Variants in CLHC1 observed in about 807,000 individuals in gnomAD.
CLHC1 encodes the protein clathrin heavy chain linker domain containing 1, also known as clathrin heavy chain linker domain-containing protein 1.
Under a neutral mutation model 69.5 loss-of-function variants are expected in CLHC1, and 72 were observed. The observed-to-expected ratio is 1.04, with a 90% confidence interval of 0.86 to 1.26. The LOEUF (loss-of-function observed/expected upper bound fraction) is 1.26, where lower values mean the gene tolerates loss of function less well. Ranked by LOEUF, CLHC1 falls within the 50% of genes most tolerant of loss-of-function variation. The probability of loss-of-function intolerance (pLI) is 0.00; values close to 1 mark genes in which losing one functional copy is unlikely to be tolerated. For synonymous variants in CLHC1, 223 were observed against 224.3 expected (o/e 0.99, Z 0.05); for missense variants, 790 against 679.3 (o/e 1.16, Z -1.81).
chr2:55,201,234 T>A, intron 9 of CLHC1, among the ~76,000 whole-genome samples: 1 of 146,064 alleles, frequency 6.8e-6, no homozygotes, highest in Non-Finnish European at 1.5e-5. Flanking sequence ...TAAAAATCAA[T>A]GAAGAGTTTA....
intron 3 of CLHC1, among the ~76,000 whole-genome samples, chr2:55,219,221 T>C (rs919541695): frequency 3.1e-4 from 47 of 152,300 alleles, no homozygotes; most frequent in African/African-American, 1.1e-3. Context: ...ACAACTCAGA[T>C]ATATTAATGA....
chr2:55,212,661 A>C lies in CLHC1; in HGVS notation c.499+12T>G, dbSNP rs781286494. 1 of 1,579,860 alleles carries C rather than the reference A, an allele frequency of 6.3e-7. No individual in the cohort carries two copies. Among genetic ancestry groups the C allele is most frequent in the South Asian group, 1.1e-5 (1 of 88,762 alleles). ...AGGATTTCTCTCAAATATTTTAAAC[A>C]AAATACAATACCTGGAATAGGTTTT... On this transcript the variant is annotated intron_variant, in intron 5 of 12. Transcript: ENST00000401408.
At chr2:55,177,833 A>G in intron 11 of CLHC1, 52 bp from the exon 12 acceptor site, 2 of 1,332,046 alleles carry the variant, frequency 1.5e-6, no homozygotes, top group Non-Finnish European at 2.1e-6. Flanking sequence ...TCATAAATCA[A>G]CTAGAAACTA....
chr2:55,204,501 T>C (rs1055797219), intron 9 of CLHC1, among the ~76,000 whole-genome samples: 1 of 152,190 alleles, frequency 6.6e-6, no homozygotes, highest in Non-Finnish European at 1.5e-5. Context: ...AAGGGAACCC[T>C]TGTACACTGT....
At chr2:55,184,654 C>A (rs1284617143) in intron 9 of CLHC1, among the ~76,000 whole-genome samples, 1 of 152,012 alleles carries the variant, frequency 6.6e-6, no homozygotes, top group Non-Finnish European at 1.5e-5. Context: ...CACCTGTAAT[C>A]CCAGCACTTT....
chr2:55,232,165 T>A (rs912925153), intron 1 of CLHC1, 58 bp downstream of exon 1: 8 of 158,006 alleles, frequency 5.1e-5, no homozygotes, highest in African/African-American at 1.9e-4. Flanking sequence ...TAACATTTGC[T>A]CTAGTCACTT....
At chr2:55,185,376 G>T (rs1477925448) in intron 9 of CLHC1, among the ~76,000 whole-genome samples, 1 of 152,078 alleles carries the variant, frequency 6.6e-6, no homozygotes, top group Non-Finnish European at 1.5e-5. Flanking sequence ...CCCCCTTCCA[G>T]GACCTAGAAA....
chr2:55,193,817 T>C (rs1333791111), intron 9 of CLHC1, among the ~76,000 whole-genome samples: 1 of 152,142 alleles, frequency 6.6e-6, no homozygotes, highest in African/African-American at 2.4e-5. Flanking sequence ...CAAAAACTTG[T>C]ATACAAATGT....
intron 9 of CLHC1, among the ~76,000 whole-genome samples, chr2:55,193,608 G>A (rs1014844073): frequency 6.6e-6 from 1 of 152,072 alleles, no homozygotes; most frequent in Non-Finnish European, 1.5e-5. Context: ...ACACTTATTA[G>A]AAAGTCTATA....
intron 5 of CLHC1, 142 bp downstream of exon 5, chr2:55,212,531 C>G (rs6723870): frequency 0.97 from 635,333 of 655,760 alleles, 308,023 homozygotes; most frequent in African/African-American, 0.99. Context: ...AATCTACCTA[C>G]AGTCCTGACT....
At chr2:55,209,857 C>G in intron 5 of CLHC1, 26 bp from the exon 6 acceptor site, 1 of 1,479,790 alleles carries the variant, frequency 6.8e-7, no homozygotes, top group South Asian at 1.1e-5. Context: ...ACAAATCAAA[C>G]ACGACAAGCC....
In CLHC1 at chr2:55,173,626, T is replaced by A. The variant is rs1218939265; in HGVS notation, c.*2164A>T. On this transcript the variant is annotated 3_prime_UTR_variant, in exon 13 of 13. Transcript: ENST00000401408. ...TCTGTGCTGAGGCCCAGATTATACC[T>A]CCTTCAGTGTAGCTTACATGGAGGC... 1.3e-5 allele frequency among the ~76,000 whole-genome samples: 2 copies of A among 152,330 alleles called. No individual in the cohort carries two copies. Among genetic ancestry groups the A allele is most frequent in the African/African-American group, 2.4e-5 (1 of 41,568 alleles).
rs2103618378 is a variant in CLHC1 at position 55,174,457 on chromosome 2, A to C, written c.*1333T>G. Among the ~76,000 whole-genome samples the C allele has an allele frequency of 1.3e-5, 2 of 152,362 alleles. No individual in the cohort carries two copies. The highest frequency in any genetic ancestry group is 2.9e-5 in the Non-Finnish European group (2 of 68,026). On this transcript the variant is annotated 3_prime_UTR_variant, in exon 13 of 13. Coordinates refer to ENST00000401408, the MANE Select transcript of CLHC1 (RefSeq NM_152385.4). ...ATATGGGATTTAGTAAGTACAAACT[A>C]AGTAGAGAAATGTGTGTTTCTGGGG...
At chr2:55,219,857 A>C (rs1261509589) in intron 3 of CLHC1, among the ~76,000 whole-genome samples, 2 of 152,156 alleles carry the variant, frequency 1.3e-5, no homozygotes, top group Non-Finnish European at 2.9e-5. Context: ...GGAACACAAA[A>C]GGTCAGCAAC....
At chr2:55,196,416 G>A (rs373831236) in intron 9 of CLHC1, among the ~76,000 whole-genome samples, 7 of 152,308 alleles carry the variant, frequency 4.6e-5, no homozygotes, top group African/African-American at 7.2e-5. Flanking sequence ...GCTCACAACT[G>A]TGAAAAAGAG....
intron 5 of CLHC1, among the ~76,000 whole-genome samples, chr2:55,210,202 T>A (rs1672850913): frequency 6.6e-6 from 1 of 151,364 alleles, no homozygotes; most frequent in Admixed American, 6.6e-5. Context: ...TTATTTTTAT[T>A]TTTATTTTTT....
At position 55,173,700 on chromosome 2, in the gene CLHC1, T is replaced by G. The variant is rs565863583; in HGVS notation, c.*2090A>C. ...TAGCTCACAACTCAATTCTTTCTCC[T>G]TCCTCATTTAACTTTGTAATCTTGC... On this transcript the variant is annotated 3_prime_UTR_variant, in exon 13 of 13. Transcript: ENST00000401408. Among the ~76,000 whole-genome samples the G allele has an allele frequency of 6.6e-6, 1 of 152,192 alleles. No individual in the cohort carries two copies. The highest frequency in any genetic ancestry group is 1.5e-5 in the Non-Finnish European group (1 of 68,026).
In CLHC1 at chr2:55,174,165, G is replaced by C. The variant is rs1669184645; in HGVS notation, c.*1625C>G. The stretch of plus-strand genomic sequence containing the variant: ...AAAATCAAAATATTATTTTGATAAG[G>C]CTTTTAGTAATAAATTGCTTTTTAA... On this transcript the variant is annotated 3_prime_UTR_variant, in exon 13 of 13. Transcript: ENST00000401408. Among the ~76,000 whole-genome samples, 1 of 152,032 alleles carries C rather than the reference G, an allele frequency of 6.6e-6. No individual in the cohort carries two copies. Among genetic ancestry groups the C allele is most frequent in the Non-Finnish European group, 1.5e-5 (1 of 68,012 alleles).
Position 55,212,942 on chromosome 2 carries a change from C to T in CLHC1, c.366-136G>A. 7.8e-6 allele frequency: 5 copies of T among 645,066 alleles called. No homozygotes were observed. The South Asian group carries it at 9.1e-5, about 12-fold the overall frequency. The allele number at this position is 645,066 out of a possible 1,614,324, so 40.0% of individuals were successfully genotyped here. A position where few individuals can be genotyped will look rare whatever the true frequency, so the allele number is the denominator to read the frequency against. On this transcript the variant is annotated intron_variant, in intron 4 of 12. Transcript: ENST00000401408. Reference sequence around the variant, plus strand: ...AGGTGAAATGCCCTGAAAAAGTTATCTAGCCTCACAAATGAGGAAGAATTT... The same window carrying T: ...AGGTGAAATGCCCTGAAAAAGTTATTTAGCCTCACAAATGAGGAAGAATTT...
Sources: gnomAD v4.1 joint callset for allele counts (sites outside exome capture counted in the v4.1 genomes callset) on GRCh38, gnomAD v4.1.1 for gene constraint, MANE v1.5 for transcripts, NCBI Gene and HGNC (gene_info 2026-07-23, HGNC 2026-07-21) for gene names.